CAPZB: variants seen among roughly 807,000 people sequenced by gnomAD.
The protein encoded by CAPZB is F-actin-capping protein subunit beta.
CAPZB carries 2 observed loss-of-function variants against 38.1 expected under a neutral mutation model. The ratio of observed to expected loss-of-function variants is 0.05; its 90% CI spans 0.02 to 0.17. The LOEUF (loss-of-function observed/expected upper bound fraction) is 0.17, where lower values mean the gene tolerates loss of function less well. Ranked by LOEUF, CAPZB falls within the 10% of genes least tolerant of loss-of-function variation. The pLI, the probability that CAPZB is intolerant of heterozygous loss-of-function variation, is 1.00. For synonymous variants in CAPZB, 107 were observed against 127.4 expected, an observed-to-expected ratio of 0.84 and a Z score of 1.08; for missense variants, 161 against 334.2, an observed-to-expected ratio of 0.48 and a Z score of 4.04.
In CAPZB at chr1:19,357,307, A is replaced by T. The variant is rs2094026974; in HGVS notation, c.471+115T>A. On this transcript the variant is annotated intron_variant, in intron 5 of 8. Transcript: ENST00000264202. The surrounding 1 kb of genome is among the most constrained non-coding windows in gnomAD (Gnocchi z 4.3). ...TGGCTTTGAGGCATTTCTCAGAATT[A>T]GGGGTTCAGAGATCACAGCATCCCC... The T allele has an allele frequency of 1.1e-6, 1 of 903,602 alleles. No individual in the cohort carries two copies. Among genetic ancestry groups the T allele is most frequent in the African/African-American group, 1.7e-5 (1 of 60,200 alleles). 56.0% of individuals were successfully genotyped at this position (903,602 alleles called of 1,614,324 possible).
chr1:19,417,291 C>T (rs1045638443), intron 2 of CAPZB, among the ~76,000 whole-genome samples: 3 of 152,186 alleles, frequency 2.0e-5, no homozygotes, highest in Admixed American at 1.3e-4. Context: ...ATTTGCTCAT[C>T]ATTTCCTACT....
At chr1:19,475,029 C>T (rs1326708614) in intron 1 of CAPZB, among the ~76,000 whole-genome samples, 1 of 152,126 alleles carries the variant, frequency 6.6e-6, no homozygotes, top group East Asian at 1.9e-4. Context: ...TAAGTCCAAG[C>T]TCCCAACACA....
intron 1 of CAPZB, among the ~76,000 whole-genome samples, chr1:19,464,212 G>A (rs67705352): frequency 6.8e-6 from 1 of 146,380 alleles, no homozygotes; most frequent in Non-Finnish European, 1.5e-5. Context: ...AAAGAGAAAA[G>A]AAAGAGAGGA....
At chr1:19,402,241 A>G (rs2094307011) in intron 2 of CAPZB, among the ~76,000 whole-genome samples, 1 of 152,250 alleles carries the variant, frequency 6.6e-6, no homozygotes, top group South Asian at 2.1e-4. Context: ...TGATTCAGAA[A>G]GTCCCAGCTC....
chr1:19,470,670 TA>T (rs1281804403), intron 1 of CAPZB, among the ~76,000 whole-genome samples: 5 of 152,244 alleles, frequency 3.3e-5, no homozygotes, highest in Non-Finnish European at 5.9e-5. Flanking sequence ...CTGTGAGCAG[TA>T]AAATTCCATG....
chr1:19,474,364 G>C (rs1384713563), intron 1 of CAPZB, among the ~76,000 whole-genome samples: 1 of 152,124 alleles, frequency 6.6e-6, no homozygotes, highest in Non-Finnish European at 1.5e-5. Flanking sequence ...CCATTTTGCT[G>C]CTCAGGAAGT....
chr1:19,435,623 A>C (rs1419197336), intron 1 of CAPZB, among the ~76,000 whole-genome samples: 1 of 152,250 alleles, frequency 6.6e-6, no homozygotes, highest in Non-Finnish European at 1.5e-5. Flanking sequence ...TTTATATGCC[A>C]ATATCTCATG....
At position 19,344,267 on chromosome 1, in the gene CAPZB, C is replaced by T. The variant is rs948600846; in HGVS notation, c.731+91G>A. ...CACTGCAGCCTACCAATGAGGACACCGAGGCCCAAGACCACACAGCTAGTA... is the reference window on the plus strand; with the variant it reads ...CACTGCAGCCTACCAATGAGGACACTGAGGCCCAAGACCACACAGCTAGTA... On this transcript the variant is annotated intron_variant, in intron 8 of 8. Transcript: ENST00000264202. 2.4e-5 allele frequency: 24 copies of T among 1,003,610 alleles called. 1 individual carries two copies. The African/African-American group carries it at 2.5e-4, about 11-fold the overall frequency. 62.2% of individuals were successfully genotyped at this position (1,003,610 alleles called of 1,614,324 possible).
chr1:19,463,537 C>T (rs1214380552), intron 1 of CAPZB, among the ~76,000 whole-genome samples: 2 of 152,244 alleles, frequency 1.3e-5, no homozygotes, highest in African/African-American at 4.8e-5. Context: ...CATAACCTTA[C>T]TCCCCACCTT....
chr1:19,383,807 A>T (rs989927096), intron 3 of CAPZB, among the ~76,000 whole-genome samples: 4 of 152,012 alleles, frequency 2.6e-5, no homozygotes, highest in Non-Finnish European at 5.9e-5. Context: ...CTCCTCCCCG[A>T]GTCCTCCTCA....
chr1:19,431,553 C>G lies in CAPZB; in HGVS notation c.4-11803G>C, dbSNP rs528965177. Among the ~76,000 whole-genome samples the G allele has an allele frequency of 5.5e-3, 829 of 150,592 alleles. 4 individuals carry two copies. Among genetic ancestry groups the G allele is most frequent in the Non-Finnish European group, 7.7e-3 (522 of 67,416 alleles). ...TGGCTAACACGGTGAAACCCCGTCT[C>G]TACTAAAAATACAAAAAATCAGCTG... On this transcript the variant is annotated intron_variant, in intron 1 of 8. Coordinates refer to ENST00000264202, the MANE Select transcript of CAPZB (RefSeq NM_004930.5).
chr1:19,412,911 C>G (rs2094363365), intron 2 of CAPZB, among the ~76,000 whole-genome samples: 3 of 152,224 alleles, frequency 2.0e-5, no homozygotes, highest in Non-Finnish European at 4.4e-5. Flanking sequence ...GCGTGCAAAG[C>G]TGACCACAGC....
intron 2 of CAPZB, among the ~76,000 whole-genome samples, chr1:19,405,706 T>G (rs974002840): frequency 6.6e-6 from 1 of 152,116 alleles, no homozygotes; most frequent in African/African-American, 2.4e-5. Flanking sequence ...AGAGGGAGAT[T>G]AACGATCATT....
rs188739671 is a variant in CAPZB at position 19,426,610 on chromosome 1, G to A, written c.4-6860C>T. On this transcript the variant is annotated intron_variant, in intron 1 of 8. Coordinates refer to ENST00000264202, the MANE Select transcript of CAPZB (RefSeq NM_004930.5). ...GGCCTGGAGCCCACTCAACTGCCCC[G>A]AGGCCACCCTGTGCAGAAGACTTCC... is the stretch of plus-strand genomic sequence containing the variant. 8.5e-5 allele frequency among the ~76,000 whole-genome samples: 13 copies of A among 152,238 alleles called. No individual in the cohort carries two copies. In the East Asian group the frequency reaches 2.3e-3, roughly 27 times the overall value.
chr1:19,394,889 C>A (rs1370484941), intron 2 of CAPZB, among the ~76,000 whole-genome samples: 1 of 152,084 alleles, frequency 6.6e-6, no homozygotes, highest in Non-Finnish European at 1.5e-5. Flanking sequence ...GAATTTTGAT[C>A]TTTTCCTGGG....
intron 3 of CAPZB, among the ~76,000 whole-genome samples, chr1:19,381,293 T>C (rs12139109): frequency 0.041 from 5,380 of 131,162 alleles, 114 homozygotes; most frequent in African/African-American, 0.054. Context: ...AACCACTCCC[T>C]CCTCCCTCTC....
chr1:19,471,610 A>C (rs968081461), intron 1 of CAPZB, among the ~76,000 whole-genome samples: 2 of 152,070 alleles, frequency 1.3e-5, no homozygotes, highest in South Asian at 4.1e-4. Context: ...CACACCTGTA[A>C]TCCCAGCACT....
intron 1 of CAPZB, among the ~76,000 whole-genome samples, chr1:19,440,013 G>A (rs1272760590): frequency 2.0e-5 from 3 of 152,196 alleles, no homozygotes; most frequent in Admixed American, 6.5e-5. Context: ...AGCGTGGCCA[G>A]GTGGGGGTGC....
At chr1:19,372,278 A>G (rs1450670779) in intron 4 of CAPZB, among the ~76,000 whole-genome samples, 1 of 152,216 alleles carries the variant, frequency 6.6e-6, no homozygotes, top group Non-Finnish European at 1.5e-5. Flanking sequence ...TTGCAACCGC[A>G]TGTTTGAAGG....
Sources: allele counts gnomAD v4.1 joint callset (sites outside exome capture counted in the v4.1 genomes callset), GRCh38; gene constraint gnomAD v4.1.1; non-coding constraint Gnocchi (gnomAD v3.1); transcripts MANE v1.5; gene names NCBI Gene and HGNC (gene_info 2026-07-23, HGNC 2026-07-21).